PEAR1: variants seen among roughly 807,000 people sequenced by gnomAD.
The protein encoded by PEAR1 is platelet endothelial aggregation receptor 1, also known as multiple EGF-like domains protein 12.
In PEAR1, 113 loss-of-function variants were observed where a neutral mutation model predicts 131.2. That is an observed-to-expected ratio of 0.86 (90% CI 0.74 to 1.01). The LOEUF (loss-of-function observed/expected upper bound fraction) is 1.01. Among genes scored for constraint, PEAR1 ranks in the 50% least tolerant of loss-of-function variants. The pLI, the probability that PEAR1 is intolerant of heterozygous loss-of-function variation, is 0.00. For missense variants in PEAR1, 1,408 were observed against 1,391.1 expected (o/e 1.01, Z -0.19); for synonymous variants, 565 against 523.3 (o/e 1.08, Z -1.09).
At chr1:156,897,070 C>G (rs534787684) in intron 1 of PEAR1, among the ~76,000 whole-genome samples, 1 of 152,278 alleles carries the variant, frequency 6.6e-6, no homozygotes, top group South Asian at 2.1e-4. Context: ...AGTCAAGGAG[C>G]ACTGGAGTCA....
chr1:156,906,186 T>C, intron 4 of PEAR1, 90 bp from the exon 5 acceptor site: 1 of 1,221,280 alleles, frequency 8.2e-7, no homozygotes, highest in South Asian at 1.3e-5. Context: ...AGGTCCCTGG[T>C]TTTGGAGGAA....
rs1382116007 is a variant in PEAR1 at position 156,913,253 on chromosome 1, T to G, written c.2482T>G (p.Cys828Gly). The stretch of plus-strand genomic sequence containing the variant: ...CCCCAGCTACCACACCCTGTCGCAG[T>G]GCTCCCCAAACCCCCCACCCCCTAA... The part of the protein sequence containing the change: ...SNPSYHTLSQ[C>G]SPNPPPPNKV... Residue 828 changes from cysteine (C) to glycine (G), a missense_variant, in exon 19 of 23, where the codon TGC becomes GGC. By Grantham distance (159) the Cys-to-Gly change is radical. Transcript: ENST00000292357. 3 of 1,612,328 alleles carry G rather than the reference T, an allele frequency of 1.9e-6. No homozygotes were observed. Among genetic ancestry groups the G allele is most frequent in the Non-Finnish European group, 1.7e-6 (2 of 1,179,090 alleles).
At position 156,913,457 on chromosome 1, in the gene PEAR1, A is replaced by G. The variant is rs1651500397; in HGVS notation, c.2578A>G (p.Asn860Asp). 4 of 1,613,682 alleles carry G rather than the reference A, an allele frequency of 2.5e-6. No individual in the cohort carries two copies. The highest frequency in any genetic ancestry group is 1.7e-4 in the Middle Eastern group (1 of 6,060). The change falls in exon 20 of 23, where the codon AAC becomes GAC. Residue 860 changes from asparagine (N) to aspartate (D), a missense_variant. By Grantham distance (23) the Asn-to-Asp change is conservative (BLOSUM62 1). Transcript: ENST00000292357. ...ERPGGAQGHD[N>D]HTTLPADWKH... ...GCCAGGTGGGGCCCAAGGGCATGATAACCACACCACCCTGCCTGCTGACTG... is the reference window on the plus strand; with the variant it reads ...GCCAGGTGGGGCCCAAGGGCATGATGACCACACCACCCTGCCTGCTGACTG...
At position 156,902,997 on chromosome 1, in the gene PEAR1, T is replaced by C. The variant is rs940088387; in HGVS notation, c.-9-921T>C. On this transcript the variant is annotated intron_variant, in intron 1 of 22. Coordinates refer to ENST00000292357, the MANE Select transcript of PEAR1 (RefSeq NM_001080471.3). The surrounding 1 kb of genome is among the most constrained non-coding windows in gnomAD (Gnocchi z 4.3). ...AGGTGATGGCACCTAGAGTTGGGTG[T>C]TGTGGTGTGCTGGCTAAGGTGTCAC... 1.3e-5 allele frequency among the ~76,000 whole-genome samples: 2 copies of C among 152,126 alleles called. No individual in the cohort carries two copies. Among genetic ancestry groups the C allele is most frequent in the African/African-American group, 4.8e-5 (2 of 41,402 alleles).
At chr1:156,909,318 C>T (rs1650769248) in intron 11 of PEAR1, among the ~76,000 whole-genome samples, 1 of 152,188 alleles carries the variant, frequency 6.6e-6, no homozygotes, top group African/African-American at 2.4e-5. Context: ...ACACAATTAC[C>T]ATGCTGGGAA....
Position 156,909,999 on chromosome 1 carries a change from C to T in PEAR1, c.1576-7C>T. The T allele has an allele frequency of 6.2e-7, 1 of 1,613,428 alleles. No homozygotes were observed. Among genetic ancestry groups the T allele is most frequent in the Non-Finnish European group, 8.5e-7 (1 of 1,180,020 alleles). On this transcript the variant is annotated splice_polypyrimidine_tract_variant and splice_region_variant and intron_variant, in intron 12 of 22. Transcript: ENST00000292357. ...CTGGCCTACCTGCTCCCCACTCCTTCTCCAAGAAGGGGCAGTTTGGAGAAG... is the reference window on the plus strand; with the variant it reads ...CTGGCCTACCTGCTCCCCACTCCTTTTCCAAGAAGGGGCAGTTTGGAGAAG...
At position 156,913,270 on chromosome 1, in the gene PEAR1, AC is replaced by A. The variant is rs764108672; in HGVS notation, c.2504del (p.Pro835LeufsTer85). On this transcript the variant is annotated frameshift_variant, in exon 19 of 23. Coordinates refer to ENST00000292357, the MANE Select transcript of PEAR1 (RefSeq NM_001080471.3). LOFTEE classifies it high-confidence loss of function. ...TLSQCSPNPP[P>X]PNKVPGPLFA... ...TGTCGCAGTGCTCCCCAAACCCCCC[AC>A]CCCCTAACAAGGTCAGTGCCGGGGG... The A allele has an allele frequency of 4.4e-6, 7 of 1,603,232 alleles. No individual in the cohort carries two copies. Among genetic ancestry groups the A allele is most frequent in the Non-Finnish European group, 3.4e-6 (4 of 1,174,356 alleles).
In PEAR1 at chr1:156,904,823, G is replaced by T; in HGVS notation, c.177G>T (p.Trp59Cys). 1 of 1,613,886 alleles carries T rather than the reference G, an allele frequency of 6.2e-7. No homozygotes were observed. The highest frequency in any genetic ancestry group is 8.5e-7 in the Non-Finnish European group (1 of 1,179,896). The change falls in exon 3 of 23, where the codon TGG (tryptophan) becomes TGT (cysteine). Residue 59 changes from tryptophan to cysteine, a missense_variant. By Grantham distance (215) the Trp-to-Cys change is radical. Transcript: ENST00000292357. ...CCTCAGAGCCCTGCGAGCGGCCCTG[G>T]GAGGGCCCCCATACTTGCCCCCAGC... ...LLPSEPCERPWEGPHTCPQPT... is the reference protein window; with the variant it reads ...LLPSEPCERPCEGPHTCPQPT...
intron 11 of PEAR1, 144 bp downstream of exon 11, chr1:156,909,180 T>A: frequency 9.1e-7 from 1 of 1,095,072 alleles, no homozygotes; most frequent in Non-Finnish European, 1.3e-6. Flanking sequence ...AGGGAAAGTA[T>A]CCAGGCTACT....
At chr1:156,911,217 T>TTTCC (rs1369088101) in intron 15 of PEAR1, among the ~76,000 whole-genome samples, 1 of 148,528 alleles carries the variant, frequency 6.7e-6, no homozygotes, top group Non-Finnish European at 1.5e-5. Flanking sequence ...TCTTTCTTTC[T>TTTCC]TTCCTTTCTT....
chr1:156,906,021 G>A (rs532292597), intron 4 of PEAR1, among the ~76,000 whole-genome samples: 3 of 152,224 alleles, frequency 2.0e-5, no homozygotes, highest in African/African-American at 7.2e-5. Flanking sequence ...CCCTTTTGAG[G>A]ATCTCCCCCA....
At chr1:156,909,129 A>T in intron 11 of PEAR1, 93 bp downstream of exon 11, 2 of 1,543,614 alleles carry the variant, frequency 1.3e-6, no homozygotes, top group Non-Finnish European at 1.8e-6. Context: ...AGGGCAGGGG[A>T]GCGGCTGCAG....
chr1:156,913,754 A>G lies in PEAR1; in HGVS notation c.2707A>G (p.Asn903Asp), dbSNP rs12137505. Reference protein sequence around the residue: ...SYSNGPGPFYNKGLISEEELG... With the variant: ...SYSNGPGPFYDKGLISEEELG... ...CAGCAATGGCCCAGGCCCATTCTAC[A>G]ATAAAGGTATGGGCACAGGGGCAAC... is the stretch of plus-strand genomic sequence containing the variant. Residue 903 changes from asparagine (N) to aspartate (D), a missense_variant, in exon 21 of 23, where the codon AAT becomes GAT. Asn to Asp is a conservative substitution (Grantham distance 23, BLOSUM62 1). Coordinates refer to ENST00000292357, the MANE Select transcript of PEAR1 (RefSeq NM_001080471.3). 0.41 allele frequency: 662,328 copies of G among 1,613,398 alleles called. 139,090 individuals carry two copies. The highest frequency in any genetic ancestry group is 0.56 in the East Asian group (25,097 of 44,858).
rs60998468 is a variant in PEAR1, at chr1:156,897,445, C to T, written c.-10+3608C>T. Among the ~76,000 whole-genome samples, 1,002 of 152,296 alleles carry T rather than the reference C, an allele frequency of 6.6e-3. 12 individuals carry two copies. Among genetic ancestry groups the T allele is most frequent in the African/African-American group, 0.023 (960 of 41,562 alleles). ...TAATCAGCCCAGCAGACTTGGAGTACGTCGGGGGCTGTGAACCCCTGGGTT... is the reference window on the plus strand; with the variant it reads ...TAATCAGCCCAGCAGACTTGGAGTATGTCGGGGGCTGTGAACCCCTGGGTT... On this transcript the variant is annotated intron_variant, in intron 1 of 22. Coordinates refer to ENST00000292357, the MANE Select transcript of PEAR1 (RefSeq NM_001080471.3).
chr1:156,912,160 C>A (rs142818760), intron 15 of PEAR1, 87 bp from the exon 16 acceptor site: 2 of 1,503,306 alleles, frequency 1.3e-6, no homozygotes, highest in Admixed American at 4.4e-5. Context: ...CAAAGCTGAG[C>A]TAAAGGCTTC....
chr1:156,907,842 G>T (rs1650516189), intron 7 of PEAR1, 73 bp from the exon 8 acceptor site: 1 of 1,579,622 alleles, frequency 6.3e-7, no homozygotes, highest in South Asian at 1.2e-5. Flanking sequence ...TGGTTATGGG[G>T]GTGTCAAGGG....
Position 156,906,665 on chromosome 1 carries a change from G to C in PEAR1, c.429G>C (p.Gln143His). Residue 143 changes from glutamine to histidine, a missense_variant, in exon 6 of 23, where the codon CAG (glutamine) becomes CAC (histidine). Physicochemically the swap from Gln to His is conservative, Grantham distance 24. Coordinates refer to ENST00000292357, the MANE Select transcript of PEAR1 (RefSeq NM_001080471.3). ...GTGCCCCAGGAATGTGGGGGCCACA[G>C]TGTGACAAGCCCTGCAGCTGCGGCA... ...SECAPGMWGP[Q>H]CDKPCSCGNN... 1 of 1,614,202 alleles carries C rather than the reference G, an allele frequency of 6.2e-7. No individual in the cohort carries two copies. Among genetic ancestry groups the C allele is most frequent in the Non-Finnish European group, 8.5e-7 (1 of 1,180,018 alleles).
chr1:156,909,762 G>A lies in PEAR1; in HGVS notation c.1423G>A (p.Gly475Ser). The change falls in exon 12 of 23, where the codon GGT becomes AGT. Residue 475 changes from glycine (G) to serine (S), a missense_variant. Coordinates refer to ENST00000292357, the MANE Select transcript of PEAR1 (RefSeq NM_001080471.3). Reference sequence around the variant, plus strand: ...GGCCCCTCCTCCAGGTTGGCAGCGTGGTAACTGCTCTGTGCCCTGCCCACC... The same window carrying A: ...GGCCCCTCCTCCAGGTTGGCAGCGTAGTAACTGCTCTGTGCCCTGCCCACC... Reference protein sequence around the residue: ...ECVCKEGWQRGNCSVPCPPGT... With the variant: ...ECVCKEGWQRSNCSVPCPPGT... 1 of 1,605,312 alleles carries A rather than the reference G, an allele frequency of 6.2e-7. No individual in the cohort carries two copies.
Position 156,893,764 on chromosome 1 carries a change from C to G in PEAR1, c.-83C>G, listed in dbSNP as rs1459613493. 6.6e-6 allele frequency: 1 copy of G among 152,306 alleles called. No individual in the cohort carries two copies. The highest frequency in any genetic ancestry group is 1.5e-5 in the Non-Finnish European group (1 of 68,132). The allele number at this position is 152,306 out of a possible 1,614,324, so 9.4% of individuals were successfully genotyped here. On this transcript the variant is annotated 5_prime_UTR_variant, in exon 1 of 23. Coordinates refer to ENST00000292357, the MANE Select transcript of PEAR1 (RefSeq NM_001080471.3). ...GTGGGGACCCTCGCCCCGTCCTCGGCTGTCCAGTCCTCCTCCTCGCAGACC... is the reference window on the plus strand; with the variant it reads ...GTGGGGACCCTCGCCCCGTCCTCGGGTGTCCAGTCCTCCTCCTCGCAGACC...
Sources: gnomAD v4.1 joint callset for allele counts (sites outside exome capture counted in the v4.1 genomes callset) on GRCh38, gnomAD v4.1.1 for gene constraint, Gnocchi (gnomAD v3.1) non-coding constraint, MANE v1.5 for transcripts, NCBI Gene and HGNC (gene_info 2026-07-23, HGNC 2026-07-21) for gene names.